Variants in CACNA1C observed in about 807,000 individuals in gnomAD.
The protein encoded by CACNA1C is voltage-dependent L-type calcium channel subunit alpha-1C.
In CACNA1C, 30 loss-of-function variants were observed where a neutral mutation model predicts 229.0. That is an observed-to-expected ratio of 0.13 (90% CI 0.10 to 0.18). The LOEUF (loss-of-function observed/expected upper bound fraction) is 0.18, where lower values mean the gene tolerates loss of function less well. Ranked by LOEUF, CACNA1C falls within the 10% of genes least tolerant of loss-of-function variation. CACNA1C has a pLI of 1.00. For synonymous variants in CACNA1C, 1,114 were observed against 1,132.5 expected, an observed-to-expected ratio of 0.98 and a Z score of 0.33; for missense variants, 1,658 against 2,845.0, an observed-to-expected ratio of 0.58 and a Z score of 9.49.
chr12:2,273,871 GCC>G (rs1202165794), intron 3 of CACNA1C, among the ~76,000 whole-genome samples: 2 of 152,196 alleles, frequency 1.3e-5, no homozygotes, highest in Non-Finnish European at 2.9e-5. Context: ...CAGTGCAAAT[GCC>G]TGGACAGCAC....
At chr12:2,191,295 T>C (rs1466952349) in intron 3 of CACNA1C, among the ~76,000 whole-genome samples, 1 of 152,046 alleles carries the variant, frequency 6.6e-6, no homozygotes, top group African/African-American at 2.4e-5. Context: ...CGGCCCACAC[T>C]CACCAGCAGC....
intron 5 of CACNA1C, among the ~76,000 whole-genome samples, chr12:2,477,685 T>C (rs975174803): frequency 1.3e-5 from 2 of 152,076 alleles, no homozygotes; most frequent in African/African-American, 4.8e-5. Flanking sequence ...TCCCTGCAGG[T>C]CTGGGCTGGC....
At chr12:2,032,573 G>A (rs1396577860) in intron 1 of CACNA1C, among the ~76,000 whole-genome samples, 8 of 152,230 alleles carry the variant, frequency 5.3e-5, no homozygotes, top group Non-Finnish European at 1.2e-4. Context: ...GTTCGGATGT[G>A]AATTAAACCA....
intron 3 of CACNA1C, among the ~76,000 whole-genome samples, chr12:2,338,866 T>C (rs1441093200): frequency 6.6e-6 from 1 of 152,158 alleles, no homozygotes; most frequent in Non-Finnish European, 1.5e-5. Flanking sequence ...CAAGTTGAGC[T>C]AGCATACCCA....
At chr12:2,610,903 A>G (rs1568780812) in intron 28 of CACNA1C, among the ~76,000 whole-genome samples, 1 of 152,210 alleles carries the variant, frequency 6.6e-6, no homozygotes. Context: ...GGGTTGATCA[A>G]TGGAGAGAGG....
chr12:2,209,341 G>A (rs562483195), intron 3 of CACNA1C, among the ~76,000 whole-genome samples: 21 of 152,310 alleles, frequency 1.4e-4, no homozygotes, highest in South Asian at 8.3e-4. Flanking sequence ...AAAGGAGTGG[G>A]AAGGGGTATG....
At chr12:2,211,529 T>C (rs1396352561) in intron 3 of CACNA1C, among the ~76,000 whole-genome samples, 1 of 152,206 alleles carries the variant, frequency 6.6e-6, no homozygotes, top group East Asian at 1.9e-4. Flanking sequence ...AGCAGCCTTA[T>C]GCATCTTTAT....
chr12:2,075,394 CT>C (rs1565527807), intron 1 of CACNA1C, among the ~76,000 whole-genome samples: 2 of 151,996 alleles, frequency 1.3e-5, no homozygotes, highest in Middle Eastern at 3.2e-3. Context: ...ACATTTTACA[CT>C]TTAGAGAAAA....
chr12:2,269,356 T>TGA (rs2083785991), intron 3 of CACNA1C, among the ~76,000 whole-genome samples: 1 of 152,186 alleles, frequency 6.6e-6, no homozygotes, highest in Non-Finnish European at 1.5e-5. Flanking sequence ...CAATGAACTT[T>TGA]GAGACTGTCT....
intron 3 of CACNA1C, among the ~76,000 whole-genome samples, chr12:2,303,560 T>A (rs1190678861): frequency 1.3e-5 from 2 of 151,974 alleles, no homozygotes; most frequent in Non-Finnish European, 1.5e-5. Context: ...AGACCAGGAG[T>A]TCGCGACCAG....
chr12:2,163,448 T>G (rs1054934961), intron 3 of CACNA1C, among the ~76,000 whole-genome samples: 11 of 152,136 alleles, frequency 7.2e-5, no homozygotes, highest in Non-Finnish European at 1.6e-4. Context: ...CCTTTTTTTT[T>G]TCTGTCATCT....
In CACNA1C at chr12:2,691,518, A is replaced by G; in HGVS notation, c.*319A>G. 3.3e-6 allele frequency: 1 copy of G among 299,192 alleles called. No individual in the cohort carries two copies. Among genetic ancestry groups the G allele is most frequent in the Admixed American group, 5.1e-5 (1 of 19,500 alleles). The allele number at this position is 299,192 out of a possible 1,614,324, so 18.5% of individuals were successfully genotyped here. A position where few individuals can be genotyped will look rare whatever the true frequency, so the allele number is the denominator to read the frequency against. ...GCACCCCGGCTTCCCGCGCGCCCTC[A>G]CCAAAAGGACCCTACAGCAAACGGG... On this transcript the variant is annotated 3_prime_UTR_variant, in exon 47 of 47. Coordinates refer to ENST00000399655, the MANE Select transcript of CACNA1C (RefSeq NM_000719.7).
Position 2,685,741 on chromosome 12 carries a change from C to G in CACNA1C, c.5579C>G (p.Ser1860Cys). ...EPSLLSTEML[S>C]YQDDENRQLT... is the part of the protein sequence containing the mutation. Reference sequence around the variant, plus strand: ...CCATGAGCTCTCTGTTCCAGGCTCTCCTACCAGGATGACGAAAATCGGCAA... The same window carrying G: ...CCATGAGCTCTCTGTTCCAGGCTCTGCTACCAGGATGACGAAAATCGGCAA... The change falls in exon 44 of 47, where the codon TCC (serine) becomes TGC (cysteine). Residue 1860 changes from serine (S) to cysteine (C), a missense_variant. By Grantham distance (112) the Ser-to-Cys change is moderately radical. Around this residue, in one of 20 missense-constraint regions of CACNA1C, gnomAD observed 590 missense variants for 700.8 expected, o/e 0.84. Transcript: ENST00000399655. 1.9e-6 allele frequency: 3 copies of G among 1,613,128 alleles called. No homozygotes were observed. The highest frequency in any genetic ancestry group is 2.5e-6 in the Non-Finnish European group (3 of 1,179,134).
At chr12:2,246,640 C>T (rs7297582) in intron 3 of CACNA1C, among the ~76,000 whole-genome samples, 43,806 of 152,014 alleles carry the variant, frequency 0.29, 7,759 homozygotes, top group Non-Finnish European at 0.4. Context: ...TCCCGTGAGT[C>T]GCGAGTGTGG....
At chr12:2,100,690 T>C (rs2076061518) in intron 1 of CACNA1C, among the ~76,000 whole-genome samples, 1 of 149,680 alleles carries the variant, frequency 6.7e-6, no homozygotes, top group African/African-American at 2.5e-5. Context: ...CCAGGGAGGT[T>C]GAGGCTGCAG....
In CACNA1C at chr12:2,665,658, C is replaced by G; in HGVS notation, c.4476C>G (p.His1492Gln). 6.2e-7 allele frequency: 1 copy of G among 1,613,758 alleles called. No individual in the cohort carries two copies. Among genetic ancestry groups the G allele is most frequent in the African/African-American group, 1.3e-5 (1 of 75,038 alleles). ...LTRDWSILGPHHLDEFKRIWA... is the reference protein window; with the variant it reads ...LTRDWSILGPQHLDEFKRIWA... ...GGGACTGGTCCATCCTTGGTCCCCA[C>G]CACCTGGATGAGTTTAAAAGAATCT... is the stretch of plus-strand genomic sequence containing the variant. The change falls in exon 36 of 47, where the codon CAC becomes CAG. Residue 1492 changes from histidine to glutamine, a missense_variant. His to Gln is a conservative substitution (Grantham distance 24, BLOSUM62 0). This residue lies in a region of CACNA1C where 151 missense variants were observed against 344.4 expected (regional missense o/e 0.44). Transcript: ENST00000399655. This position sits in a 1 kb window ranked among gnomAD's most constrained non-coding sequence, Gnocchi z 5.9.
At chr12:2,625,225 C>T (rs188233959) in intron 29 of CACNA1C, among the ~76,000 whole-genome samples, 156 of 152,322 alleles carry the variant, frequency 1.0e-3, no homozygotes, top group Non-Finnish European at 1.6e-3. Context: ...ATATGACTTG[C>T]ATAAAGCCTT....
chr12:2,631,002 G>T (rs1220320989), intron 29 of CACNA1C, among the ~76,000 whole-genome samples: 1 of 152,120 alleles, frequency 6.6e-6, no homozygotes, highest in African/African-American at 2.4e-5. Flanking sequence ...TGGGAGAAAG[G>T]GTGACCAGGG....
At chr12:2,272,076 C>T (rs894770672) in intron 3 of CACNA1C, among the ~76,000 whole-genome samples, 1 of 152,138 alleles carries the variant, frequency 6.6e-6, no homozygotes, top group African/African-American at 2.4e-5. Context: ...CCCAGTGTTC[C>T]CCAAGCATCT....
Sources: allele counts gnomAD v4.1 joint callset (sites outside exome capture counted in the v4.1 genomes callset), GRCh38; gene constraint gnomAD v4.1.1; regional missense constraint gnomAD v4.1.1; non-coding constraint Gnocchi (gnomAD v3.1); transcripts MANE v1.5; gene names NCBI Gene and HGNC (gene_info 2026-07-23, HGNC 2026-07-21).